The following DNAJC13 variants were observed in gnomAD, a reference collection of about 807,000 sequenced individuals.
DNAJC13 encodes DnaJ heat shock protein family (Hsp40) member C13.
DNAJC13 carries 75 observed loss-of-function variants against 290.5 expected under a neutral mutation model. That is an observed-to-expected ratio of 0.26 (90% CI 0.21 to 0.31). The LOEUF (loss-of-function observed/expected upper bound fraction) is 0.31. Among genes scored for constraint, DNAJC13 ranks in the 10% least tolerant of loss-of-function variants. The pLI is 1.00. For synonymous variants in DNAJC13, 862 were observed against 892.0 expected (o/e 0.97, Z 0.60); for missense variants, 2,260 against 2,674.5 (o/e 0.85, Z 3.42).
chr3:132,520,622 G>C (rs1242152727), intron 48 of DNAJC13, among the ~76,000 whole-genome samples: 1 of 152,160 alleles, frequency 6.6e-6, no homozygotes, highest in African/African-American at 2.4e-5. Flanking sequence ...TGTACAGCTG[G>C]TCAAATAATG....
At chr3:132,512,150 G>C (rs1420294838) in intron 44 of DNAJC13, among the ~76,000 whole-genome samples, 1 of 152,162 alleles carries the variant, frequency 6.6e-6, no homozygotes, top group East Asian at 1.9e-4. Context: ...AATTGTAGCA[G>C]AGCAGACTAT....
In DNAJC13 at chr3:132,514,333, A is replaced by AGT. The variant is rs111734867; in HGVS notation, c.5386-237_5386-236dup. ...AAACTCTGTAATTGGAAAACACTAT[A>AGT]GTATATACCTTAGTTCTGGAGCATG... is the stretch of plus-strand genomic sequence containing the variant. On this transcript the variant is annotated intron_variant, in intron 45 of 55. Transcript: ENST00000260818. Among the ~76,000 whole-genome samples the AGT allele has an allele frequency of 6.0e-3, 909 of 152,304 alleles. 9 individuals carry two copies. The highest frequency in any genetic ancestry group is 0.029 in the East Asian group (153 of 5,192).
chr3:132,496,008 G>A (rs1935224431), intron 35 of DNAJC13, among the ~76,000 whole-genome samples: 1 of 152,080 alleles, frequency 6.6e-6, no homozygotes, highest in Admixed American at 6.6e-5. Context: ...ATAGATAACT[G>A]AACATACAGT....
chr3:132,418,325 C>G (rs538216140), intron 1 of DNAJC13, among the ~76,000 whole-genome samples: 1 of 152,218 alleles, frequency 6.6e-6, no homozygotes, highest in African/African-American at 2.4e-5. Flanking sequence ...TTCACGTGGC[C>G]TTTCCTCCGC....
intron 55 of DNAJC13, among the ~76,000 whole-genome samples, chr3:132,535,307 C>A (rs1172220729): frequency 2.6e-5 from 4 of 152,216 alleles, no homozygotes; most frequent in African/African-American, 4.8e-5. Flanking sequence ...GGTAGGATTA[C>A]TCAATCTTGA....
At chr3:132,537,910 T>C (rs1193910157) in intron 55 of DNAJC13, among the ~76,000 whole-genome samples, 3 of 152,222 alleles carry the variant, frequency 2.0e-5, no homozygotes, top group Non-Finnish European at 4.4e-5. Context: ...ATTTCCCAAA[T>C]GTAAGAAAGA....
At chr3:132,431,064 C>T (rs1042677026) in intron 1 of DNAJC13, among the ~76,000 whole-genome samples, 2 of 152,196 alleles carry the variant, frequency 1.3e-5, no homozygotes, top group African/African-American at 4.8e-5. Flanking sequence ...TTGCTGATGC[C>T]TTTCCAGAAG....
At chr3:132,423,679 C>G (rs544028941) in intron 1 of DNAJC13, among the ~76,000 whole-genome samples, 1 of 152,140 alleles carries the variant, frequency 6.6e-6, no homozygotes, top group Non-Finnish European at 1.5e-5. Context: ...CAGAACTAAA[C>G]TAGAAATGTA....
At chr3:132,420,432 G>A (rs1938921390) in intron 1 of DNAJC13, among the ~76,000 whole-genome samples, 1 of 152,236 alleles carries the variant, frequency 6.6e-6, no homozygotes, top group African/African-American at 2.4e-5. Context: ...TGGAGGAGGG[G>A]CCCTGAGCCC....
rs763870370 is a variant in DNAJC13 at position 132,480,505 on chromosome 3, G to T, written c.2874+35G>T. 2.1e-6 allele frequency: 3 copies of T among 1,451,796 alleles called. No homozygotes were observed. In the South Asian group the frequency reaches 3.6e-5, roughly 17 times the overall value. 89.9% of individuals were successfully genotyped at this position (1,451,796 alleles called of 1,614,324 possible). On this transcript the variant is annotated intron_variant, in intron 26 of 55. Coordinates refer to ENST00000260818, the MANE Select transcript of DNAJC13 (RefSeq NM_015268.4). The stretch of plus-strand genomic sequence containing the variant: ...CTTGTTTACGTTTTACAAATTTAAC[G>T]TTCTTTGAGTATAATTTTAGAGGCA...
chr3:132,519,342 C>T (rs186607769), intron 48 of DNAJC13, among the ~76,000 whole-genome samples: 7 of 152,224 alleles, frequency 4.6e-5, no homozygotes, highest in South Asian at 2.1e-4. Context: ...ATCATGGTTT[C>T]GATCTGCATT....
At chr3:132,525,196 C>T (rs1936216367) in intron 51 of DNAJC13, among the ~76,000 whole-genome samples, 1 of 152,064 alleles carries the variant, frequency 6.6e-6, no homozygotes, top group African/African-American at 2.4e-5. Flanking sequence ...CAAAATTAGC[C>T]AGGCGTGGTG....
At chr3:132,472,886 G>C (rs1406403124) in intron 20 of DNAJC13, among the ~76,000 whole-genome samples, 1 of 152,106 alleles carries the variant, frequency 6.6e-6, no homozygotes, top group African/African-American at 2.4e-5. Context: ...AACAAAATTT[G>C]GTGTTGAAAC....
At chr3:132,455,344 G>A (rs1199520493) in intron 9 of DNAJC13, among the ~76,000 whole-genome samples, 1 of 152,210 alleles carries the variant, frequency 6.6e-6, no homozygotes, top group Admixed American at 6.5e-5. Context: ...CCAGTGGCAG[G>A]TGTTGGCGAG....
At chr3:132,532,358 T>C (rs1936441602) in intron 55 of DNAJC13, among the ~76,000 whole-genome samples, 3 of 152,238 alleles carry the variant, frequency 2.0e-5, no homozygotes, top group African/African-American at 7.2e-5. Context: ...CACTTTTTTT[T>C]CTTCACCATA....
rs1933983754 is a variant in DNAJC13, at chr3:132,466,355, T to C, written c.2025T>C (p.Ala675=). The C allele has an allele frequency of 1.9e-6, 3 of 1,602,944 alleles. No individual in the cohort carries two copies. The highest frequency in any genetic ancestry group is 1.7e-6 in the Non-Finnish European group (2 of 1,177,014). The change falls in exon 19 of 56, where the codon GCT becomes GCC. Residue 675 remains alanine (A), a synonymous_variant. Transcript: ENST00000260818. Reference sequence around the variant, plus strand: ...CAGATCTCGTACCTGAGAAGGATGCTGATCGGATGCATGTTAGAGACAATG... The same window carrying C: ...CAGATCTCGTACCTGAGAAGGATGCCGATCGGATGCATGTTAGAGACAATG... The part of the protein sequence containing the change: ...ESSDLVPEKD[A]DRMHVRDNVK...
rs1014882348 is a variant in DNAJC13 at position 132,427,893 on chromosome 3, CTT to C, written c.-13-6642_-13-6641del. Among the ~76,000 whole-genome samples the C allele has an allele frequency of 3.3e-5, 5 of 152,264 alleles. No homozygotes were observed. The South Asian group carries it at 6.2e-4, about 19-fold the overall frequency. On this transcript the variant is annotated intron_variant, in intron 1 of 55. Transcript: ENST00000260818. ...ACTATAATTCAGATAAATTCAGAAACTTTTGTTCAAAGTCACGCAGCCAGTAA... is the reference window on the plus strand; with the variant it reads ...ACTATAATTCAGATAAATTCAGAAACTTGTTCAAAGTCACGCAGCCAGTAA...
At chr3:132,482,112 A>T in intron 26 of DNAJC13, 114 bp from the exon 27 acceptor site, 1 of 698,144 alleles carries the variant, frequency 1.4e-6, no homozygotes, top group Non-Finnish European at 2.2e-6. Flanking sequence ...CTTTCAGGTT[A>T]ACTTTTAAAG....
At chr3:132,454,205 A>G (rs747862340) in intron 9 of DNAJC13, 48 bp downstream of exon 9, 8 of 1,351,310 alleles carry the variant, frequency 5.9e-6, no homozygotes, top group Non-Finnish European at 8.3e-6. Flanking sequence ...TGCAAGGCAA[A>G]GTGCTTGGTC....
Sources: allele counts gnomAD v4.1 joint callset (sites outside exome capture counted in the v4.1 genomes callset), GRCh38; gene constraint gnomAD v4.1.1; transcripts MANE v1.5; gene names NCBI Gene and HGNC (gene_info 2026-07-23, HGNC 2026-07-21).